NMNAT3: variants seen among roughly 807,000 people sequenced by gnomAD.
The protein encoded by NMNAT3 is nicotinamide/nicotinic acid mononucleotide adenylyltransferase 3.
A neutral mutation model predicts 24.8 loss-of-function variants in NMNAT3; 21 were observed. The observed-to-expected ratio is 0.85, with a 90% CI of 0.60 to 1.22. NMNAT3 has a LOEUF of 1.22. Among genes scored for constraint, NMNAT3 ranks in the 50% most tolerant of loss-of-function variants. The probability of loss-of-function intolerance (pLI) is 0.00; values close to 1 mark genes in which losing one functional copy is unlikely to be tolerated. For missense variants in NMNAT3, 387 were observed against 436.6 expected, an observed-to-expected ratio of 0.89 and a Z score of 1.01; for synonymous variants, 136 against 155.2, an observed-to-expected ratio of 0.88 and a Z score of 0.92.
intron 3 of NMNAT3, among the ~76,000 whole-genome samples, chr3:139,615,046 CAT>C (rs2055420679): frequency 6.6e-6 from 1 of 152,160 alleles, no homozygotes; most frequent in Non-Finnish European, 1.5e-5. Flanking sequence ...AGTTTAGACT[CAT>C]AGACTGTAAA....
chr3:139,629,822 C>T (rs1559929828), intron 2 of NMNAT3, among the ~76,000 whole-genome samples: 1 of 152,140 alleles, frequency 6.6e-6, no homozygotes, highest in South Asian at 2.1e-4. Flanking sequence ...TGGTTTCCTC[C>T]AACCAGAAAA....
At chr3:139,629,105 G>A (rs2056180793) in intron 2 of NMNAT3, among the ~76,000 whole-genome samples, 1 of 152,128 alleles carries the variant, frequency 6.6e-6, no homozygotes, top group African/African-American at 2.4e-5. Context: ...CAGCAGTAGT[G>A]GTTACCACTT....
At chr3:139,572,131 T>A in intron 6 of NMNAT3, 1 of 398,930 alleles carries the variant, frequency 2.5e-6, no homozygotes, top group Non-Finnish European at 4.4e-6. Context: ...TGTCTCCAGC[T>A]TGAGGTGGGG....
intron 3 of NMNAT3, among the ~76,000 whole-genome samples, chr3:139,590,698 T>C (rs1324077138): frequency 6.6e-6 from 1 of 152,112 alleles, no homozygotes; most frequent in African/African-American, 2.4e-5. Context: ...ATGCGTGCTG[T>C]AGAAATATTA....
At chr3:139,637,744 C>G (rs754818339) in intron 2 of NMNAT3, 8 of 152,200 alleles carry the variant, frequency 5.3e-5, no homozygotes, top group Non-Finnish European at 1.2e-4. Context: ...TCTTCCATGC[C>G]AACTCTCCTG....
intron 1 of NMNAT3, among the ~76,000 whole-genome samples, chr3:139,651,532 C>T (rs2057055610): frequency 6.6e-6 from 1 of 152,196 alleles, no homozygotes; most frequent in South Asian, 2.1e-4. Context: ...GCAGACAATA[C>T]TGCTGACCCA....
chr3:139,582,190 C>CAAAAAAAAAAAAAAAA (rs756159164), intron 4 of NMNAT3, among the ~76,000 whole-genome samples: 14 of 23,052 alleles, frequency 6.1e-4, no homozygotes, highest in East Asian at 1.4e-3. Context: ...GACTCCCTCT[C>CAAAAAAAAAAAAAAAA]AAAAAAAAAA....
intron 3 of NMNAT3, among the ~76,000 whole-genome samples, chr3:139,626,908 A>G (rs1203497606): frequency 1.3e-5 from 2 of 152,180 alleles, no homozygotes; most frequent in Non-Finnish European, 2.9e-5. Context: ...AGAAACACAA[A>G]ATACATATAT....
Position 139,626,754 on chromosome 3 carries a change from A to C in NMNAT3, c.109+862T>G, listed in dbSNP as rs550302909. ...TTTCTAAAATAAAGACATTTCCTTTAAAATGAACTAATACTTGTGCATTAT... is the reference window on the plus strand; with the variant it reads ...TTTCTAAAATAAAGACATTTCCTTTCAAATGAACTAATACTTGTGCATTAT... On this transcript the variant is annotated intron_variant, in intron 3 of 6. Coordinates refer to ENST00000643695, the MANE Select transcript of NMNAT3 (RefSeq NM_001320510.2). Among the ~76,000 whole-genome samples the C allele has an allele frequency of 1.2e-4, 18 of 152,290 alleles. 1 individual carries two copies. In the South Asian group the frequency reaches 3.7e-3, roughly 32 times the overall value.
At chr3:139,674,128 G>A (rs1189862656) in intron 1 of NMNAT3, among the ~76,000 whole-genome samples, 1 of 152,214 alleles carries the variant, frequency 6.6e-6, no homozygotes, top group Non-Finnish European at 1.5e-5. Flanking sequence ...TGGGTGGAAA[G>A]AGCAGACAGT....
chr3:139,625,967 A>G (rs1304515612), intron 3 of NMNAT3, among the ~76,000 whole-genome samples: 1 of 152,202 alleles, frequency 6.6e-6, no homozygotes, highest in Admixed American at 6.5e-5. Context: ...TTCTCTAACA[A>G]TGCTATTACA....
chr3:139,612,083 C>T (rs984735831), intron 3 of NMNAT3, among the ~76,000 whole-genome samples: 3 of 150,966 alleles, frequency 2.0e-5, no homozygotes, highest in African/African-American at 7.3e-5. Context: ...AGGAGGATTG[C>T]TTGAATCCGG....
chr3:139,614,559 A>G (rs532438863), intron 3 of NMNAT3, among the ~76,000 whole-genome samples: 1 of 152,208 alleles, frequency 6.6e-6, no homozygotes, highest in Non-Finnish European at 1.5e-5. Flanking sequence ...GTATAGGCCA[A>G]TTATTTTGCA....
rs370744088 is a variant in NMNAT3 at position 139,614,629 on chromosome 3, C to T, written c.109+12987G>A. ...CTCAGGAGGAGGTACAGGGTACGCC[C>T]TTCTGGCAGAACCAGCACAGAAGTT... On this transcript the variant is annotated intron_variant, in intron 3 of 6. Transcript: ENST00000643695. Among the ~76,000 whole-genome samples the T allele has an allele frequency of 2.6e-5, 4 of 152,390 alleles. No individual in the cohort carries two copies. The East Asian group carries it at 5.8e-4, about 22-fold the overall frequency.
intron 1 of NMNAT3, among the ~76,000 whole-genome samples, chr3:139,666,529 A>G (rs1179085944): frequency 1.3e-5 from 2 of 152,236 alleles, no homozygotes; most frequent in East Asian, 1.9e-4. Context: ...TGCTACATGC[A>G]TACAATGTGT....
chr3:139,594,258 C>G (rs1576601636), intron 3 of NMNAT3, among the ~76,000 whole-genome samples: 1 of 152,238 alleles, frequency 6.6e-6, no homozygotes, highest in African/African-American at 2.4e-5. Context: ...CAAGACTAAA[C>G]AAGGAAGAAG....
At chr3:139,637,332 T>C (rs1247475640) in intron 2 of NMNAT3, 2 of 152,174 alleles carry the variant, frequency 1.3e-5, no homozygotes, top group Non-Finnish European at 2.9e-5. Flanking sequence ...TTAGTAGCAA[T>C]AGTAGAGAAA....
intron 3 of NMNAT3, among the ~76,000 whole-genome samples, chr3:139,610,457 C>A (rs1467907918): frequency 6.6e-6 from 1 of 152,208 alleles, no homozygotes; most frequent in Admixed American, 6.5e-5. Context: ...AAAAAATTAT[C>A]TTGGTTCAAA....
At chr3:139,670,611 A>G (rs1359814832) in intron 1 of NMNAT3, among the ~76,000 whole-genome samples, 1 of 152,248 alleles carries the variant, frequency 6.6e-6, no homozygotes, top group Non-Finnish European at 1.5e-5. Flanking sequence ...AGCATTAGGT[A>G]GCAAAGAATA....
Sources: gnomAD v4.1 joint callset for allele counts (sites outside exome capture counted in the v4.1 genomes callset) on GRCh38, gnomAD v4.1.1 for gene constraint, MANE v1.5 for transcripts, NCBI Gene and HGNC (gene_info 2026-07-23, HGNC 2026-07-21) for gene names.